LIPC: variants seen among roughly 807,000 people sequenced by gnomAD.
LIPC encodes the protein lipase C, hepatic type.
Under a neutral mutation model 50.7 loss-of-function variants are expected in LIPC, and 44 were observed. The observed-to-expected ratio is 0.87, with a 90% confidence interval of 0.68 to 1.11. The LOEUF (loss-of-function observed/expected upper bound fraction) is 1.11, where lower values mean the gene tolerates loss of function less well. LIPC is among the 50% of genes most tolerant of loss of function. The pLI is 0.00. For missense variants in LIPC, 697 were observed against 648.2 expected (o/e 1.08, Z -0.82); for synonymous variants, 271 against 256.4 (o/e 1.06, Z -0.54).
At chr15:58,538,153 C>G (rs545821262) in intron 1 of LIPC, among the ~76,000 whole-genome samples, 180 bp from the exon 2 acceptor site, 1 of 152,208 alleles carries the variant, frequency 6.6e-6, no homozygotes, top group African/African-American at 2.4e-5. Flanking sequence ...CACCCTCCAT[C>G]ACTTGGCCAT....
intron 1 of LIPC, among the ~76,000 whole-genome samples, chr15:58,537,118 C>T (rs1349102576): frequency 6.6e-6 from 1 of 152,362 alleles, no homozygotes. Flanking sequence ...GGGATGAGAG[C>T]TTCCTCTCCC....
chr15:58,434,139 G>A (rs534278433), intron 1 of LIPC, among the ~76,000 whole-genome samples: 1 of 152,250 alleles, frequency 6.6e-6, no homozygotes, highest in Admixed American at 6.5e-5. Context: ...AGAGGCCAGG[G>A]AAGCTGCTTC....
intron 1 of LIPC, among the ~76,000 whole-genome samples, chr15:58,519,540 A>AT (rs771420350): frequency 6.6e-6 from 1 of 152,276 alleles, no homozygotes; most frequent in African/African-American, 2.4e-5. Context: ...CACAGAGTGT[A>AT]TATGTAAGTC....
chr15:58,563,405 CAA>C, intron 7 of LIPC, 98 bp from the exon 8 acceptor site: 1 of 1,013,836 alleles, frequency 9.9e-7, no homozygotes, highest in Non-Finnish European at 1.5e-6. Flanking sequence ...GCAAAAATCC[CAA>C]GTCATTCAGG....
chr15:58,433,465 T>A (rs1234509385), intron 1 of LIPC, among the ~76,000 whole-genome samples: 1 of 152,236 alleles, frequency 6.6e-6, no homozygotes, highest in African/African-American at 2.4e-5. Context: ...CATCAGTTGC[T>A]CTTTTGCGTC....
chr15:58,508,316 G>C (rs1049344323), intron 1 of LIPC, among the ~76,000 whole-genome samples: 1 of 151,934 alleles, frequency 6.6e-6, no homozygotes, highest in Non-Finnish European at 1.5e-5. Context: ...CATATTTTGG[G>C]GTAACAGTTG....
chr15:58,451,649 G>C (rs188833079), intron 1 of LIPC, among the ~76,000 whole-genome samples: 1 of 152,212 alleles, frequency 6.6e-6, no homozygotes, highest in East Asian at 1.9e-4. Context: ...ACTTGGATAG[G>C]ATCAACTTTA....
intron 4 of LIPC, among the ~76,000 whole-genome samples, chr15:58,543,732 G>A (rs1018824032): frequency 6.6e-6 from 1 of 152,082 alleles, no homozygotes; most frequent in African/African-American, 2.4e-5. Flanking sequence ...TGCCTCCCGG[G>A]TTCAAGCGAT....
At chr15:58,471,984 A>G (rs1398359636) in intron 1 of LIPC, among the ~76,000 whole-genome samples, 1 of 152,130 alleles carries the variant, frequency 6.6e-6, no homozygotes, top group Non-Finnish European at 1.5e-5. Flanking sequence ...GGGTACTTAG[A>G]TCAGGCCAAG....
chr15:58,534,508 C>T (rs898213562), intron 1 of LIPC, among the ~76,000 whole-genome samples: 9 of 152,216 alleles, frequency 5.9e-5, no homozygotes, highest in African/African-American at 2.2e-4. Flanking sequence ...CTCTTATAGA[C>T]TCACGGTGAC....
At chr15:58,509,427 G>T (rs1306746434) in intron 1 of LIPC, among the ~76,000 whole-genome samples, 2 of 152,202 alleles carry the variant, frequency 1.3e-5, no homozygotes, top group Non-Finnish European at 2.9e-5. Flanking sequence ...ACTAGCCACA[G>T]GCAGGTTACT....
At chr15:58,561,063 A>C in intron 7 of LIPC, 82 bp downstream of exon 7, 9 of 808,302 alleles carry the variant, frequency 1.1e-5, no homozygotes, top group Non-Finnish European at 1.6e-5. Context: ...AATTTTCAAG[A>C]GTCAGGCCAG....
chr15:58,529,584 C>G (rs1357741999), intron 1 of LIPC, among the ~76,000 whole-genome samples: 1 of 152,230 alleles, frequency 6.6e-6, no homozygotes, highest in East Asian at 1.9e-4. Context: ...GACCTGTTTC[C>G]TCTTGTGCCG....
At chr15:58,522,179 C>T (rs1358635186) in intron 1 of LIPC, 2 of 152,578 alleles carry the variant, frequency 1.3e-5, no homozygotes, top group Non-Finnish European at 2.9e-5. Context: ...TTCTCTTTGA[C>T]TCTCCTCCTT....
At chr15:58,455,396 C>T (rs1229822833) in intron 1 of LIPC, among the ~76,000 whole-genome samples, 1 of 152,030 alleles carries the variant, frequency 6.6e-6, no homozygotes, top group Non-Finnish European at 1.5e-5. Context: ...TTTGTCAGGC[C>T]ATGGATTGCT....
chr15:58,552,015 C>T (rs871804), intron 6 of LIPC, among the ~76,000 whole-genome samples: 22,823 of 152,216 alleles, frequency 0.15, 2,002 homozygotes, highest in South Asian at 0.31. Flanking sequence ...TCGCCCACTT[C>T]CATTCTCACT....
chr15:58,563,919 C>G (rs1894264983), intron 8 of LIPC, 196 bp downstream of exon 8: 1 of 627,830 alleles, frequency 1.6e-6, no homozygotes, highest in South Asian at 1.7e-5. Context: ...GATTCACACC[C>G]AGGTCTTTGA....
chr15:58,471,330 G>GT (rs1894794549), intron 1 of LIPC, among the ~76,000 whole-genome samples: 1 of 118,414 alleles, frequency 8.4e-6, no homozygotes, highest in Non-Finnish European at 1.8e-5. Flanking sequence ...AGTAGAGATG[G>GT]GGGGGGGTGG....
At chr15:58,450,255 C>G (rs2140669866) in intron 1 of LIPC, among the ~76,000 whole-genome samples, 1 of 152,350 alleles carries the variant, frequency 6.6e-6, no homozygotes, top group South Asian at 2.1e-4. Context: ...GTGTGCATCA[C>G]AACCCACTGA....
Sources: allele counts gnomAD v4.1 joint callset (sites outside exome capture counted in the v4.1 genomes callset), GRCh38; gene constraint gnomAD v4.1.1; transcripts MANE v1.5; gene names NCBI Gene and HGNC (gene_info 2026-07-23, HGNC 2026-07-21).